DTL: variants seen among roughly 807,000 people sequenced by gnomAD.
DTL encodes denticleless protein homolog.
A neutral mutation model predicts 87.0 loss-of-function variants in DTL; 46 were observed. That is an observed-to-expected ratio of 0.53 (90% CI 0.42 to 0.68). DTL has a LOEUF of 0.68. DTL is among the 30% of genes least tolerant of loss of function. The probability of loss-of-function intolerance (pLI) is 0.00; values close to 1 mark genes in which losing one functional copy is unlikely to be tolerated. For synonymous variants in DTL, 308 were observed against 311.2 expected, an observed-to-expected ratio of 0.99 and a Z score of 0.11; for missense variants, 737 against 869.4, an observed-to-expected ratio of 0.85 and a Z score of 1.91.
chr1:212,048,984 G>A (rs992169043), intron 5 of DTL, among the ~76,000 whole-genome samples: 1 of 152,038 alleles, frequency 6.6e-6, no homozygotes, highest in African/African-American at 2.4e-5. Flanking sequence ...ATGCAGTGGC[G>A]TGATCTTGGC....
chr1:212,096,793 A>G (rs1172211317), intron 13 of DTL, among the ~76,000 whole-genome samples: 1 of 152,190 alleles, frequency 6.6e-6, no homozygotes, highest in Non-Finnish European at 1.5e-5. Flanking sequence ...GGCCTATCAT[A>G]TGGTCTCTAT....
Position 212,072,206 on chromosome 1 carries a change from T to C in DTL, c.1028T>C (p.Ile343Thr). ...VSGSSDEAAYIWKVSTPWQPP... is the reference protein window; with the variant it reads ...VSGSSDEAAYTWKVSTPWQPP... ...GGCTCAAGTGATGAAGCTGCCTACA[T>C]ATGGAAGGTAAGTTGCTAAACTTCA... Residue 343 changes from isoleucine to threonine, a missense_variant, in exon 11 of 15, where the codon ATA (isoleucine) becomes ACA (threonine). Coordinates refer to ENST00000366991, the MANE Select transcript of DTL (RefSeq NM_016448.4). 1 of 1,612,184 alleles carries C rather than the reference T, an allele frequency of 6.2e-7. No homozygotes were observed. The highest frequency in any genetic ancestry group is 8.5e-7 in the Non-Finnish European group (1 of 1,178,262).
chr1:212,079,820 C>G (rs573780579), intron 12 of DTL, among the ~76,000 whole-genome samples: 1 of 152,156 alleles, frequency 6.6e-6, no homozygotes, highest in Non-Finnish European at 1.5e-5. Flanking sequence ...AAGGAAAAAG[C>G]TGCCAGTCTC....
At chr1:212,053,380 T>C (rs1668057810) in intron 5 of DTL, among the ~76,000 whole-genome samples, 1 of 152,018 alleles carries the variant, frequency 6.6e-6, no homozygotes, top group South Asian at 2.1e-4. Context: ...TTGTATTTTT[T>C]GTAGAGATGG....
chr1:212,043,108 C>T lies in DTL; in HGVS notation c.168C>T (p.Thr56=). 1.2e-6 allele frequency: 2 copies of T among 1,611,440 alleles called. No individual in the cohort carries two copies. The highest frequency in any genetic ancestry group is 2.2e-5 in the South Asian group (2 of 90,460). ...TCCCAGTTCCTCCTTTTGGATGTAC[C>T]TTCTCTTCTGGTAAGAGAATTACTA... ...TGVPVPPFGC[T]FSSAPNMEHV... is the part of the protein sequence containing the mutation. The change falls in exon 2 of 15, where the codon ACC becomes ACT. Residue 56 remains threonine, a synonymous_variant. Transcript: ENST00000366991.
chr1:212,054,192 G>T (rs1668086376), intron 5 of DTL, among the ~76,000 whole-genome samples: 1 of 152,220 alleles, frequency 6.6e-6, no homozygotes, highest in African/African-American at 2.4e-5. Flanking sequence ...GTCAGCCAGA[G>T]ACTTGGACTG....
intron 6 of DTL, 27 bp from the exon 7 acceptor site, chr1:212,064,890 C>G: frequency 1.9e-6 from 3 of 1,568,228 alleles, no homozygotes; most frequent in Non-Finnish European, 2.6e-6. Context: ...AATCCTGAAA[C>G]CTAAATTTCC....
intron 13 of DTL, among the ~76,000 whole-genome samples, chr1:212,082,074 G>A (rs1348041818): frequency 1.3e-5 from 2 of 152,170 alleles, no homozygotes; most frequent in African/African-American, 4.8e-5. Context: ...AAAGCCTACT[G>A]AGCAGCCACA....
At chr1:212,074,393 T>C (rs1654768297) in intron 11 of DTL, among the ~76,000 whole-genome samples, 1 of 152,182 alleles carries the variant, frequency 6.6e-6, no homozygotes, top group African/African-American at 2.4e-5. Context: ...TTTAAAGATA[T>C]ACACTAAATA....
Position 212,066,829 on chromosome 1 carries a change from T to C in DTL, c.657T>C (p.Val219=). The C allele has an allele frequency of 6.2e-7, 1 of 1,613,916 alleles. No individual in the cohort carries two copies. The highest frequency in any genetic ancestry group is 8.5e-7 in the Non-Finnish European group (1 of 1,179,790). ...GCTATCAGGATTTCCAGCAAAGTGT[T>C]ACTGTGGTCCTCTTTCAAGACGAGA... ...LAPSVDFQQS[V]TVVLFQDENT... Residue 219 remains valine, a synonymous_variant, in exon 8 of 15, where the codon GTT becomes GTC. Coordinates refer to ENST00000366991, the MANE Select transcript of DTL (RefSeq NM_016448.4).
rs141451521 is a variant in DTL at position 212,035,901 on chromosome 1, A to G, written c.11A>G (p.Asn4Ser). The G allele has an allele frequency of 1.0e-4, 162 of 1,614,150 alleles. No individual in the cohort carries two copies. Among genetic ancestry groups the G allele is most frequent in the Admixed American group, 1.3e-4 (8 of 60,026 alleles). Residue 4 changes from asparagine (N) to serine (S), a missense_variant, in exon 1 of 15, where the codon AAT (asparagine) becomes AGT (serine). Transcript: ENST00000366991. The stretch of plus-strand genomic sequence containing the variant: ...TTTCCTCCGACCCTGATGCTCTTCA[A>G]TTCGGTGCTCCGCCAGCCCCAGCTT... MLFNSVLRQPQLGV... is the reference protein window; with the variant it reads MLFSSVLRQPQLGV...
chr1:212,067,800 A>G (rs1654551905), intron 8 of DTL, among the ~76,000 whole-genome samples: 1 of 152,264 alleles, frequency 6.6e-6, no homozygotes, highest in Non-Finnish European at 1.5e-5. Flanking sequence ...ATTTCACAGA[A>G]CAATTTGTTT....
At chr1:212,058,147 C>T (rs1042163364) in intron 5 of DTL, among the ~76,000 whole-genome samples, 9 of 152,050 alleles carry the variant, frequency 5.9e-5, no homozygotes, top group Non-Finnish European at 7.4e-5. Flanking sequence ...CCCCACTCAG[C>T]GTTAGACAGA....
intron 12 of DTL, among the ~76,000 whole-genome samples, chr1:212,079,110 T>C (rs1654919265): frequency 6.6e-6 from 1 of 152,146 alleles, no homozygotes; most frequent in Non-Finnish European, 1.5e-5. Context: ...TGTGGATTTC[T>C]CCTTATTGTT....
chr1:212,065,154 A>T lies in DTL; in HGVS notation c.639+125A>T. On this transcript the variant is annotated intron_variant, in intron 7 of 14. Transcript: ENST00000366991. ...ATTTGATATCAGTGGTTTATTGCTT[A>T]TTCAGTACCTACATTTGTGGTTCTC... The T allele has an allele frequency of 4.5e-6, 3 of 667,334 alleles. No individual in the cohort carries two copies. The South Asian group carries it at 7.0e-5, about 16-fold the overall frequency. 41.3% of individuals were successfully genotyped at this position (667,334 alleles called of 1,614,324 possible). A position where few individuals can be genotyped will look rare whatever the true frequency, so the allele number is the denominator to read the frequency against.
At chr1:212,082,028 C>T (rs575001024) in intron 13 of DTL, among the ~76,000 whole-genome samples, 1 of 152,100 alleles carries the variant, frequency 6.6e-6, no homozygotes, top group East Asian at 1.9e-4. Context: ...TGGGGTACCC[C>T]GATGTTTAGA....
intron 12 of DTL, among the ~76,000 whole-genome samples, chr1:212,078,617 T>C (rs1161281278): frequency 6.6e-6 from 1 of 152,178 alleles, no homozygotes; most frequent in African/African-American, 2.4e-5. Context: ...ATATTATCAA[T>C]GTAGTATATT....
intron 13 of DTL, among the ~76,000 whole-genome samples, chr1:212,087,502 A>G (rs1028205655): frequency 6.6e-6 from 1 of 151,930 alleles, no homozygotes; most frequent in Non-Finnish European, 1.5e-5. Context: ...GTGAGTGGAG[A>G]TCACGCCACT....
intron 12 of DTL, 146 bp from the exon 13 acceptor site, chr1:212,080,469 C>A: frequency 1.4e-6 from 1 of 709,656 alleles, no homozygotes; most frequent in Non-Finnish European, 2.2e-6. Flanking sequence ...AATGGATGTA[C>A]ATGATCTTTA....
Sources: allele counts gnomAD v4.1 joint callset (sites outside exome capture counted in the v4.1 genomes callset), GRCh38; gene constraint gnomAD v4.1.1; transcripts MANE v1.5; gene names NCBI Gene and HGNC (gene_info 2026-07-23, HGNC 2026-07-21).